HJV: variants seen among roughly 807,000 people sequenced by gnomAD.
The protein encoded by HJV is hemojuvelin BMP co-receptor.
In HJV, 18 loss-of-function variants were observed where a neutral mutation model predicts 22.7. That is an observed-to-expected ratio of 0.79 (90% CI 0.55 to 1.18). The LOEUF (loss-of-function observed/expected upper bound fraction) is 1.18, where lower values mean the gene tolerates loss of function less well. HJV is among the 50% of genes most tolerant of loss of function. HJV has a pLI of 0.00. For synonymous variants in HJV, 229 were observed against 222.7 expected (o/e 1.03, Z -0.25); for missense variants, 572 against 553.0 (o/e 1.03, Z -0.34).
rs782076129 is a variant in HJV at position 146,020,202 on chromosome 1, G to A, written c.30C>T (p.Pro10=). 1.2e-5 allele frequency: 20 copies of A among 1,613,202 alleles called. No homozygotes were observed. The highest frequency in any genetic ancestry group is 1.7e-4 in the Middle Eastern group (1 of 6,054). Residue 10 remains proline (P), a synonymous_variant, in exon 2 of 4, where the codon CCC becomes CCT. Transcript: ENST00000336751. ...TTGGGGGACTGCCATGGGAGGACCT[G>A]GGACTAGGGGACTGGCCTGGCTCCC... MGEPGQSPS[P]RSSHGSPPTL... is the part of the protein sequence containing the mutation.
chr1:146,019,103 T>C, intron 3 of HJV, 72 bp downstream of exon 3: 1 of 1,240,310 alleles, frequency 8.1e-7, no homozygotes, highest in East Asian at 2.3e-5. Flanking sequence ...TGTTGAATAG[T>C]GGGGATGGGG....
In HJV at chr1:146,017,974, C is replaced by A. The variant is rs998173001; in HGVS notation, c.*103G>T. On this transcript the variant is annotated 3_prime_UTR_variant, in exon 4 of 4. Coordinates refer to ENST00000336751, the MANE Select transcript of HJV (RefSeq NM_213653.4). The stretch of plus-strand genomic sequence containing the variant: ...GACTCTGGATAATGTCATTGTTTCA[C>A]GTGTCTCCTAGGCCCTGCTTCCTTT... 8 of 1,253,070 alleles carry A rather than the reference C, an allele frequency of 6.4e-6. No individual in the cohort carries two copies. The African/African-American group carries it at 1.2e-4, about 19-fold the overall frequency. The allele number at this position is 1,253,070 out of a possible 1,614,324, so 77.6% of individuals were successfully genotyped here. A position where few individuals can be genotyped will look rare whatever the true frequency, so the allele number is the denominator to read the frequency against.
intron 1 of HJV, among the ~76,000 whole-genome samples, chr1:146,020,568 A>C (rs1652672174): frequency 6.6e-6 from 1 of 152,176 alleles, no homozygotes; most frequent in Non-Finnish European, 1.5e-5. Flanking sequence ...AAGGGGGCAG[A>C]GTCCACTGTA....
chr1:146,018,468 G>A lies in HJV; in HGVS notation c.890C>T (p.Ser297Phe). 6.2e-7 allele frequency: 1 copy of A among 1,614,204 alleles called. No homozygotes were observed. The highest frequency in any genetic ancestry group is 2.2e-5 in the East Asian group (1 of 44,882). The change falls in exon 4 of 4, where the codon TCC (serine) becomes TTC (phenylalanine). Residue 297 changes from serine (S) to phenylalanine (F), a missense_variant. Coordinates refer to ENST00000336751, the MANE Select transcript of HJV (RefSeq NM_213653.4). ...IRQTAGQLSF[S>F]IKVAEDVAMA... ...GGCCACATCCTCTGCTACCTTGATGGAGAAGGAGAGCTGCCCAGCTGTCTG... is the reference window on the plus strand; with the variant it reads ...GGCCACATCCTCTGCTACCTTGATGAAGAAGGAGAGCTGCCCAGCTGTCTG...
intron 3 of HJV, 83 bp downstream of exon 3, chr1:146,019,092 C>T: frequency 2.7e-6 from 3 of 1,131,206 alleles, no homozygotes; most frequent in Non-Finnish European, 4.0e-6. Flanking sequence ...GGGAGCATTG[C>T]TGTTGAATAG....
intron 1 of HJV, among the ~76,000 whole-genome samples, chr1:146,020,780 A>T (rs1652686662): frequency 6.6e-6 from 1 of 152,212 alleles, no homozygotes. Flanking sequence ...CCTTTGTGTC[A>T]GAACACAAGA....
chr1:146,019,295 G>A lies in HJV; in HGVS notation c.537C>T (p.His179=). The A allele has an allele frequency of 6.2e-7, 1 of 1,613,932 alleles. No individual in the cohort carries two copies. Among genetic ancestry groups the A allele is most frequent in the Non-Finnish European group, 8.5e-7 (1 of 1,180,050 alleles). Residue 179 remains histidine, a synonymous_variant, in exon 3 of 4, where the codon CAC becomes CAT. Coordinates refer to ENST00000336751, the MANE Select transcript of HJV (RefSeq NM_213653.4). The part of the protein sequence containing the change: ...SFGDPHVRSF[H]HHFHTCRVQG... ...GGACACGGCATGTGTGAAAGTGATGGTGGAAGCTGCGCACATGGGGGTCCC... is the reference window on the plus strand; with the variant it reads ...GGACACGGCATGTGTGAAAGTGATGATGGAAGCTGCGCACATGGGGGTCCC...
rs781984687 is a variant in HJV at position 146,019,622 on chromosome 1, C to A, written c.210G>T (p.Arg70=). 5 of 1,613,772 alleles carry A rather than the reference C, an allele frequency of 3.1e-6. No individual in the cohort carries two copies. The highest frequency in any genetic ancestry group is 3.4e-6 in the Non-Finnish European group (4 of 1,180,002). The change falls in exon 3 of 4, where the codon CGG becomes CGT. Residue 70 remains arginine (R), a synonymous_variant. Coordinates refer to ENST00000336751, the MANE Select transcript of HJV (RefSeq NM_213653.4). Reference sequence around the variant, plus strand: ...GGCCGCCAGAGCCCACCCCTCCACCCCGGCCTCCTCCTCCTCCTCCTCGAA... The same window carrying A: ...GGCCGCCAGAGCCCACCCCTCCACCACGGCCTCCTCCTCCTCCTCCTCGAA... ...GALRGGGGGG[R]GGGVGSGGLC...
chr1:146,019,349 G>C lies in HJV; in HGVS notation c.483C>G (p.Pro161=). Residue 161 remains proline, a synonymous_variant, in exon 3 of 4, where the codon CCC becomes CCG. Coordinates refer to ENST00000336751, the MANE Select transcript of HJV (RefSeq NM_213653.4). ...AGGAAGCGCAATGCAAGAACCCCGG[G>C]GGACGACCATGCAGCCGGGAAAACC... is the stretch of plus-strand genomic sequence containing the variant. The part of the protein sequence containing the change: ...EGRFSRLHGR[P]PGFLHCASFG... The C allele has an allele frequency of 6.2e-7, 1 of 1,613,856 alleles. No individual in the cohort carries two copies. The highest frequency in any genetic ancestry group is 1.1e-5 in the South Asian group (1 of 91,088).
Position 146,018,667 on chromosome 1 carries a change from T to C in HJV, c.691A>G (p.Ile231Val). 6.2e-7 allele frequency: 1 copy of C among 1,614,212 alleles called. No homozygotes were observed. ...TIIFKNMQEC[I>V]DQKVYQAEVD... ...TCAGCCTGATACACCTTCTGATCAA[T>C]GCATTCCTGCATGTTCTTAAATATG... The change falls in exon 4 of 4, where the codon ATT becomes GTT. Residue 231 changes from isoleucine to valine, a missense_variant. Ile to Val is a conservative substitution (Grantham distance 29). Coordinates refer to ENST00000336751, the MANE Select transcript of HJV (RefSeq NM_213653.4).
rs1553769469 is a variant in HJV at position 146,018,445 on chromosome 1, C to T, written c.913G>A (p.Ala305Thr). Residue 305 changes from alanine to threonine, a missense_variant, in exon 4 of 4, where the codon GCC (alanine) becomes ACC (threonine). Transcript: ENST00000336751. ...SFSIKVAEDV[A>T]MAFSAEQDLQ... Reference sequence around the variant, plus strand: ...TCCTGTTCAGCTGAGAAGGCCATGGCCACATCCTCTGCTACCTTGATGGAG... The same window carrying T: ...TCCTGTTCAGCTGAGAAGGCCATGGTCACATCCTCTGCTACCTTGATGGAG... The T allele has an allele frequency of 3.7e-6, 6 of 1,614,032 alleles. No individual in the cohort carries two copies. The Admixed American group carries it at 1.0e-4, about 27-fold the overall frequency.
intron 1 of HJV, among the ~76,000 whole-genome samples, chr1:146,021,336 A>T (rs1652723898): frequency 6.6e-6 from 1 of 152,164 alleles, no homozygotes. Flanking sequence ...CTTCATCAGG[A>T]GTCTTGAGGT....
rs1652505404 is a variant in HJV at position 146,018,670 on chromosome 1, A to G, written c.688T>C (p.Cys230Arg). 6.2e-7 allele frequency: 1 copy of G among 1,614,218 alleles called. No homozygotes were observed. Among genetic ancestry groups the G allele is most frequent in the Non-Finnish European group, 8.5e-7 (1 of 1,180,034 alleles). The change falls in exon 4 of 4, where the codon TGC becomes CGC. Residue 230 changes from cysteine to arginine, a missense_variant. Coordinates refer to ENST00000336751, the MANE Select transcript of HJV (RefSeq NM_213653.4). ...LTIIFKNMQE[C>R]IDQKVYQAEV... ...GCCTGATACACCTTCTGATCAATGC[A>G]TTCCTGCATGTTCTTAAATATGATG...
Position 146,020,783 on chromosome 1 carries a change from A to G in HJV, c.-89-463T>C, listed in dbSNP as rs1652686843. On this transcript the variant is annotated intron_variant, in intron 1 of 3. Coordinates refer to ENST00000336751, the MANE Select transcript of HJV (RefSeq NM_213653.4). ...ATTTCTTTTCCTCCTTTGTGTCAGA[A>G]CACAAGAAGGATTAAGGGTGGCATA... 1.3e-5 allele frequency among the ~76,000 whole-genome samples: 2 copies of G among 152,202 alleles called. 1 individual carries two copies. The highest frequency in any genetic ancestry group is 4.1e-4 in the South Asian group (2 of 4,824).
chr1:146,020,366 A>T (rs1652652991), intron 1 of HJV, 46 bp from the exon 2 acceptor site: 1 of 712,628 alleles, frequency 1.4e-6, no homozygotes. Context: ...GAAGAATTGA[A>T]GATTGGTAAG....
rs1350279214 is a variant in HJV at position 146,020,321 on chromosome 1, C to G, written c.-89-1G>C. Reference sequence around the variant, plus strand: ...TTTTGACCGGAAGCCCTGTAAGTGACTGAAAAAAGAAATTTGGCTGGACAT... The same window carrying G: ...TTTTGACCGGAAGCCCTGTAAGTGAGTGAAAAAAGAAATTTGGCTGGACAT... On this transcript the variant is annotated splice_acceptor_variant, in intron 1 of 3. Coordinates refer to ENST00000336751, the MANE Select transcript of HJV (RefSeq NM_213653.4). LOFTEE classifies it low-confidence loss of function (5UTR_SPLICE). 3.6e-6 allele frequency: 3 copies of G among 843,098 alleles called. No individual in the cohort carries two copies. The highest frequency in any genetic ancestry group is 6.2e-6 in the Non-Finnish European group (3 of 480,620). The allele number at this position is 843,098 out of a possible 1,614,324, so 52.2% of individuals were successfully genotyped here.
At chr1:146,018,755 A>G (rs782778189) in intron 3 of HJV, 55 bp from the exon 4 acceptor site, 233 of 1,573,148 alleles carry the variant, frequency 1.5e-4, no homozygotes, top group Non-Finnish European at 1.8e-4. Flanking sequence ...TCTTCCCCCC[A>G]ATCAGACCTC....
chr1:146,020,312 T>C lies in HJV; in HGVS notation c.-81A>G, dbSNP rs2101986686. ...CCTAGTGAATTTTGACCGGAAGCCC[T>C]GTAAGTGACTGAAAAAAGAAATTTG... is the stretch of plus-strand genomic sequence containing the variant. On this transcript the variant is annotated 5_prime_UTR_variant, in exon 2 of 4. Coordinates refer to ENST00000336751, the MANE Select transcript of HJV (RefSeq NM_213653.4). 1.1e-6 allele frequency: 1 copy of C among 891,912 alleles called. No individual in the cohort carries two copies. The highest frequency in any genetic ancestry group is 1.9e-6 in the Non-Finnish European group (1 of 522,944). 55.2% of individuals were successfully genotyped at this position (891,912 alleles called of 1,614,324 possible).
At chr1:146,020,724 T>A (rs1652682492) in intron 1 of HJV, among the ~76,000 whole-genome samples, 1 of 152,162 alleles carries the variant, frequency 6.6e-6, no homozygotes, top group Admixed American at 6.5e-5. Flanking sequence ...TTTGTCCCTC[T>A]CCATTAGGAG....
Sources: allele counts gnomAD v4.1 joint callset (sites outside exome capture counted in the v4.1 genomes callset), GRCh38; gene constraint gnomAD v4.1.1; transcripts MANE v1.5; gene names NCBI Gene and HGNC (gene_info 2026-07-23, HGNC 2026-07-21).